ACSM4: variants seen among roughly 807,000 people sequenced by gnomAD.
ACSM4 encodes acyl-CoA synthetase medium chain family member 4.
Under a neutral mutation model 73.0 loss-of-function variants are expected in ACSM4, and 66 were observed. That is an observed-to-expected ratio of 0.90 (90% CI 0.74 to 1.11). The LOEUF (loss-of-function observed/expected upper bound fraction) is 1.11. Among genes scored for constraint, ACSM4 ranks in the 50% least tolerant of loss-of-function variants. ACSM4 has a pLI of 0.00. For synonymous variants in ACSM4, 222 were observed against 254.0 expected, an observed-to-expected ratio of 0.87 and a Z score of 1.20; for missense variants, 645 against 714.4, an observed-to-expected ratio of 0.90 and a Z score of 1.11.
At chr12:7,325,923 T>TA (rs955382880) in intron 11 of ACSM4, among the ~76,000 whole-genome samples, 9 of 152,190 alleles carry the variant, frequency 5.9e-5, no homozygotes, top group African/African-American at 2.2e-4. Context: ...CCCATACTCT[T>TA]ACCTCCTGTA....
In ACSM4 at chr12:7,318,302, T is replaced by C; in HGVS notation, c.921+120T>C. 6 of 1,350,486 alleles carry C rather than the reference T, an allele frequency of 4.4e-6. 1 individual carries two copies. The South Asian group carries it at 6.0e-5, about 13-fold the overall frequency. The allele number at this position is 1,350,486 out of a possible 1,614,324, so 83.7% of individuals were successfully genotyped here. ...TGGGCTTTTGGAAATCATTTCTTTA[T>C]ACAAAGCAAAGTCTCAAGGGCCTCA... On this transcript the variant is annotated intron_variant, in intron 5 of 12. Transcript: ENST00000399422.
intron 2 of ACSM4, among the ~76,000 whole-genome samples, chr12:7,308,387 G>A (rs1027651313): frequency 1.2e-4 from 19 of 152,318 alleles, no homozygotes; most frequent in African/African-American, 4.6e-4. Context: ...GTAAAGCAAG[G>A]AGGTGAGATT....
intron 12 of ACSM4, 85 bp downstream of exon 12, chr12:7,327,180 A>ATAG: frequency 2.1e-6 from 3 of 1,412,112 alleles, no homozygotes; most frequent in Non-Finnish European, 2.8e-6. Context: ...TTTTGATTTT[A>ATAG]TAGTAGCTCA....
chr12:7,317,215 A>T lies in ACSM4; in HGVS notation c.699A>T (p.Thr233=). 6.2e-7 allele frequency: 1 copy of T among 1,609,552 alleles called. No individual in the cohort carries two copies. The highest frequency in any genetic ancestry group is 8.5e-7 in the Non-Finnish European group (1 of 1,177,950). ...CCATTTATTTCACCAGTGGGACCAC[A>T]GGCTTTCCTAAAATGGCCCAGCACT... ...PMTIYFTSGT[T]GFPKMAQHSQ... is the part of the protein sequence containing the mutation. Residue 233 remains threonine, a synonymous_variant, in exon 4 of 13, where the codon ACA becomes ACT. Transcript: ENST00000399422.
At chr12:7,328,224 T>C in intron 12 of ACSM4, 63 bp from the exon 13 acceptor site, 1 of 1,281,222 alleles carries the variant, frequency 7.8e-7, no homozygotes, top group Non-Finnish European at 1.1e-6. Context: ...AGCTCCTTCC[T>C]ATCGCACGGA....
Position 7,316,721 on chromosome 12 carries a change from C to T in ACSM4, c.621-416C>T, listed in dbSNP as rs745675477. ...TTAAAAGTTTGAATCAAATGCCAAA[C>T]GATCTTCCTTTAAATAATAAAAACT... On this transcript the variant is annotated intron_variant, in intron 3 of 12. Transcript: ENST00000399422. Among the ~76,000 whole-genome samples the T allele has an allele frequency of 2.6e-5, 4 of 152,264 alleles. No individual in the cohort carries two copies. In the South Asian group the frequency reaches 6.2e-4, roughly 24 times the overall value.
Position 7,306,632 on chromosome 12 carries a change from G to T in ACSM4, c.301G>T (p.Ala101Ser), listed in dbSNP as rs755335610. The change falls in exon 2 of 13, where the codon GCT becomes TCT. Residue 101 changes from alanine (A) to serine (S), a missense_variant. Ala to Ser is a moderately conservative substitution (Grantham distance 99). Transcript: ENST00000399422. Reference protein sequence around the residue: ...FRELGSLSRKAANVLTKPCGL... With the variant: ...FRELGSLSRKSANVLTKPCGL... ...AGAACTGGGCTCCTTGTCCCGAAAA[G>T]CTGCCAACGTGCTCACCAAGCCCTG... 3.5e-5 allele frequency: 56 copies of T among 1,606,968 alleles called. No individual in the cohort carries two copies. Among genetic ancestry groups the T allele is most frequent in the African/African-American group, 1.9e-4 (14 of 74,798 alleles).
Position 7,304,548 on chromosome 12 carries a change from C to T in ACSM4, c.201+16C>T, listed in dbSNP as rs767084744. 5 of 1,608,090 alleles carry T rather than the reference C, an allele frequency of 3.1e-6. No individual in the cohort carries two copies. The highest frequency in any genetic ancestry group is 1.7e-5 in the Admixed American group (1 of 59,988). ...AAAGGAGAAGGTATATGACGATGGG[C>T]TTCCAGTAGATGCTTGGTGTCCCCT... On this transcript the variant is annotated intron_variant, in intron 1 of 12. Coordinates refer to ENST00000399422, the MANE Select transcript of ACSM4 (RefSeq NM_001080454.2).
intron 7 of ACSM4, 71 bp from the exon 8 acceptor site, chr12:7,323,163 T>A: frequency 7.1e-7 from 1 of 1,401,502 alleles, no homozygotes; most frequent in Non-Finnish European, 9.8e-7. Context: ...CAAATCTTAA[T>A]TTTCATTGCC....
intron 6 of ACSM4, among the ~76,000 whole-genome samples, chr12:7,321,552 C>T (rs1247754504): frequency 6.6e-6 from 1 of 152,178 alleles, no homozygotes; most frequent in Admixed American, 6.5e-5. Flanking sequence ...TATGTCACGG[C>T]CTTTGAAACA....
intron 1 of ACSM4, among the ~76,000 whole-genome samples, chr12:7,305,201 C>T (rs1263233402): frequency 2.0e-5 from 3 of 152,200 alleles, no homozygotes; most frequent in Non-Finnish European, 4.4e-5. Context: ...TTGCTAAACA[C>T]TCTCTTGAAT....
At chr12:7,310,775 T>A in intron 3 of ACSM4, 29 bp downstream of exon 3, 1 of 1,592,008 alleles carries the variant, frequency 6.3e-7, no homozygotes, top group Middle Eastern at 1.7e-4. Flanking sequence ...CAATCTACAC[T>A]GCTGGCAACA....
chr12:7,318,997 G>A (rs1333704405), intron 5 of ACSM4, among the ~76,000 whole-genome samples: 1 of 152,116 alleles, frequency 6.6e-6, no homozygotes, highest in East Asian at 1.9e-4. Flanking sequence ...GATGATTCAA[G>A]TACATTACAT....
At position 7,318,041 on chromosome 12, in the gene ACSM4, G is replaced by C. The variant is rs774771745; in HGVS notation, c.780G>C (p.Leu260Phe). Reference protein sequence around the residue: ...FTLCGRYWLDLKSSDIIWNMS... With the variant: ...FTLCGRYWLDFKSSDIIWNMS... The stretch of plus-strand genomic sequence containing the variant: ...TATCATTTAGGTATTGGCTGGACTT[G>C]AAGTCCTCAGATATCATATGGAATA... Residue 260 changes from leucine to phenylalanine, a missense_variant, in exon 5 of 13, where the codon TTG (leucine) becomes TTC (phenylalanine). Coordinates refer to ENST00000399422, the MANE Select transcript of ACSM4 (RefSeq NM_001080454.2). 4.3e-6 allele frequency: 7 copies of C among 1,613,444 alleles called. No homozygotes were observed. The highest frequency in any genetic ancestry group is 5.1e-6 in the Non-Finnish European group (6 of 1,179,726).
chr12:7,323,930 A>T (rs1024126326), intron 9 of ACSM4, among the ~76,000 whole-genome samples: 38 of 152,252 alleles, frequency 2.5e-4, no homozygotes, highest in African/African-American at 8.7e-4. Flanking sequence ...TAATTTCAGC[A>T]CTTTAGGAGG....
intron 1 of ACSM4, among the ~76,000 whole-genome samples, chr12:7,305,243 G>C (rs1052801454): frequency 6.6e-6 from 1 of 152,176 alleles, no homozygotes; most frequent in Non-Finnish European, 1.5e-5. Context: ...ATCATCTCTA[G>C]ATAAAATTTA....
At chr12:7,306,883 T>C in intron 2 of ACSM4, 140 bp downstream of exon 2, 1 of 861,552 alleles carries the variant, frequency 1.2e-6, no homozygotes, top group South Asian at 1.9e-5. Flanking sequence ...AAGGCAATCA[T>C]GATATAATAA....
intron 6 of ACSM4, 25 bp from the exon 7 acceptor site, chr12:7,322,393 G>C (rs984007462): frequency 6.2e-7 from 1 of 1,612,920 alleles, no homozygotes. Flanking sequence ...CTCTTGAAAA[G>C]ACCCATGCAA....
intron 1 of ACSM4, among the ~76,000 whole-genome samples, chr12:7,305,540 A>G (rs1946357133): frequency 6.6e-6 from 1 of 152,246 alleles, no homozygotes; most frequent in African/African-American, 2.4e-5. Context: ...GGAGGTTTGC[A>G]GATGAGGAAC....
Sources: allele counts gnomAD v4.1 joint callset (sites outside exome capture counted in the v4.1 genomes callset), GRCh38; gene constraint gnomAD v4.1.1; transcripts MANE v1.5; gene names NCBI Gene and HGNC (gene_info 2026-07-23, HGNC 2026-07-21).